Variants in CSTF1 observed in about 807,000 individuals in gnomAD.
CSTF1 encodes the protein CF-1 50 kDa subunit.
CSTF1 carries 2 observed loss-of-function variants against 40.9 expected under a neutral mutation model. The observed-to-expected ratio is 0.05, with a 90% CI of 0.02 to 0.15. The LOEUF (loss-of-function observed/expected upper bound fraction) is 0.15, where lower values mean the gene tolerates loss of function less well. Ranked by LOEUF, CSTF1 falls within the 10% of genes least tolerant of loss-of-function variation. CSTF1 has a pLI of 1.00. For missense variants in CSTF1, 279 were observed against 558.9 expected, an observed-to-expected ratio of 0.50 and a Z score of 5.05; for synonymous variants, 218 against 207.2, an observed-to-expected ratio of 1.05 and a Z score of -0.45.
intron 5 of CSTF1, among the ~76,000 whole-genome samples, chr20:56,401,033 C>T (rs1284965750): frequency 2.6e-5 from 4 of 151,824 alleles, no homozygotes; most frequent in Admixed American, 1.3e-4. Flanking sequence ...AGTAAGACTC[C>T]GTCTCAAAAA....
rs926564383 is a variant in CSTF1 at position 56,404,750 on chromosome 20, A to G, written c.*1023A>G. On this transcript the variant is annotated 3_prime_UTR_variant, in exon 6 of 6. Transcript: ENST00000217109. ...AAGCTCCGCCTCCTGGTTTCACACC[A>G]TTTTCCTGCCTCAGCCTCCCAAGTA... The G allele has an allele frequency of 2.1e-5, 3 of 141,866 alleles. No individual in the cohort carries two copies. The highest frequency in any genetic ancestry group is 3.0e-5 in the Non-Finnish European group (2 of 66,604). The allele number at this position is 141,866 out of a possible 1,614,324, so 8.8% of individuals were successfully genotyped here. A position where few individuals can be genotyped will look rare whatever the true frequency, so the allele number is the denominator to read the frequency against.
intron 1 of CSTF1, 128 bp from the exon 2 acceptor site, chr20:56,395,393 C>G (rs1212746493): frequency 7.3e-5 from 42 of 576,888 alleles, no homozygotes; most frequent in Non-Finnish European, 2.7e-5. Flanking sequence ...GGTCACTGAC[C>G]AAAGATAATG....
Position 56,398,711 on chromosome 20 carries a change from C to T in CSTF1, c.646-256C>T, listed in dbSNP as rs1455044620. Among the ~76,000 whole-genome samples, 3 of 152,204 alleles carry T rather than the reference C, an allele frequency of 2.0e-5. No individual in the cohort carries two copies. In the East Asian group the frequency reaches 5.8e-4, roughly 29 times the overall value. On this transcript the variant is annotated intron_variant, in intron 4 of 5. Transcript: ENST00000217109. ...CTGATAATACTCCATCCTTAGTTTACTCAGTGTTCATTTGTAAATAATGAA... is the reference window on the plus strand; with the variant it reads ...CTGATAATACTCCATCCTTAGTTTATTCAGTGTTCATTTGTAAATAATGAA...
chr20:56,402,932 TAA>T (rs76350193), intron 5 of CSTF1, among the ~76,000 whole-genome samples: 33 of 119,392 alleles, frequency 2.8e-4, no homozygotes, highest in African/African-American at 3.0e-4. Flanking sequence ...AGACTCTGTC[TAA>T]AAAAAAAAAA....
chr20:56,393,262 G>A (rs1326758736), intron 1 of CSTF1, among the ~76,000 whole-genome samples: 1 of 151,806 alleles, frequency 6.6e-6, no homozygotes, highest in Non-Finnish European at 1.5e-5. Flanking sequence ...ACCAAAAATG[G>A]CTTCCCTCCA....
chr20:56,403,258 C>T lies in CSTF1; in HGVS notation c.1037-210C>T, dbSNP rs1978545918. 2.0e-5 allele frequency among the ~76,000 whole-genome samples: 3 copies of T among 151,926 alleles called. No individual in the cohort carries two copies. The South Asian group carries it at 6.2e-4, about 32-fold the overall frequency. On this transcript the variant is annotated intron_variant, in intron 5 of 5. Transcript: ENST00000217109. ...CTTGAACTCCTGGGCTCAAGCAGCC[C>T]TCCTTCCTCAGCCTCCCAAAGTACT...
chr20:56,401,226 CT>C (rs1254907444), intron 5 of CSTF1, among the ~76,000 whole-genome samples: 1 of 152,030 alleles, frequency 6.6e-6, no homozygotes, highest in African/African-American at 2.4e-5. Context: ...CATCCTTAAT[CT>C]ATAAAGAGAA....
chr20:56,397,098 G>T lies in CSTF1; in HGVS notation c.170-109G>T. On this transcript the variant is annotated intron_variant, in intron 2 of 5. Coordinates refer to ENST00000217109, the MANE Select transcript of CSTF1 (RefSeq NM_001324.3). This position sits in a 1 kb window ranked among gnomAD's most constrained non-coding sequence, Gnocchi z 4.4. ...AGGTGTCACGCGGCTCCAAGAAATAGGAGGTTGACACTGGTGAGCATCTTT... is the reference window on the plus strand; with the variant it reads ...AGGTGTCACGCGGCTCCAAGAAATATGAGGTTGACACTGGTGAGCATCTTT... 8.4e-7 allele frequency: 1 copy of T among 1,189,196 alleles called. No individual in the cohort carries two copies. Among genetic ancestry groups the T allele is most frequent in the Non-Finnish European group, 1.2e-6 (1 of 843,018 alleles). The allele number at this position is 1,189,196 out of a possible 1,614,324, so 73.7% of individuals were successfully genotyped here.
At chr20:56,401,460 G>T (rs1978449370) in intron 5 of CSTF1, among the ~76,000 whole-genome samples, 1 of 152,086 alleles carries the variant, frequency 6.6e-6, no homozygotes. Context: ...ATATTTTGTT[G>T]GTCAGAGTCA....
rs376042143 is a variant in CSTF1 at position 56,397,634 on chromosome 20, G to T, written c.448-10G>T. 8 of 1,613,662 alleles carry T rather than the reference G, an allele frequency of 5.0e-6. No individual in the cohort carries two copies. Among genetic ancestry groups the T allele is most frequent in the Non-Finnish European group, 6.8e-6 (8 of 1,179,704 alleles). On this transcript the variant is annotated splice_polypyrimidine_tract_variant and intron_variant, in intron 3 of 5. Transcript: ENST00000217109. This position sits in a 1 kb window ranked among gnomAD's most constrained non-coding sequence, Gnocchi z 4.4. ...TTCTGTGCCTTGAGCATCTCTTCTT[G>T]TTGGTCTAGGTCATGATGAATGAGA...
At chr20:56,402,266 C>T (rs572583676) in intron 5 of CSTF1, among the ~76,000 whole-genome samples, 81 of 150,724 alleles carry the variant, frequency 5.4e-4, no homozygotes, top group African/African-American at 1.9e-3. Context: ...GAGATCACAC[C>T]ATTGCACTCC....
At chr20:56,400,495 T>C (rs1249284540) in intron 5 of CSTF1, among the ~76,000 whole-genome samples, 2 of 152,164 alleles carry the variant, frequency 1.3e-5, no homozygotes, top group Admixed American at 6.5e-5. Context: ...TTTTAAGGAG[T>C]GTGCTGTATC....
rs932606841 is a variant in CSTF1 at position 56,405,621 on chromosome 20, A to G, written c.*1894A>G. The G allele has an allele frequency of 6.6e-6, 1 of 152,244 alleles. No individual in the cohort carries two copies. The highest frequency in any genetic ancestry group is 1.5e-5 in the Non-Finnish European group (1 of 68,052). 9.4% of individuals were successfully genotyped at this position (152,244 alleles called of 1,614,324 possible). A position where few individuals can be genotyped will look rare whatever the true frequency, so the allele number is the denominator to read the frequency against. ...TGTCTTAAGCATCTTAACATGTTAC[A>G]TCACAGGGTTTTAGCTCAGATTTCC... On this transcript the variant is annotated 3_prime_UTR_variant, in exon 6 of 6. Transcript: ENST00000217109.
At position 56,397,773 on chromosome 20, in the gene CSTF1, A is replaced by G. The variant is rs1303904421; in HGVS notation, c.577A>G (p.Arg193Gly). The change falls in exon 4 of 6, where the codon AGG becomes GGG. Residue 193 changes from arginine (R) to glycine (G), a missense_variant. Transcript: ENST00000217109. The surrounding 1 kb of genome is among the most constrained non-coding windows in gnomAD (Gnocchi z 4.4). The part of the protein sequence containing the change: ...PTEQILASGS[R>G]DYTLKLFDYS... ...AGAACAGATCCTGGCTTCTGGTTCA[A>G]GGGATTATACTCTTAAATTATTTGA... is the stretch of plus-strand genomic sequence containing the variant. 6.2e-6 allele frequency: 10 copies of G among 1,614,070 alleles called. No homozygotes were observed. The highest frequency in any genetic ancestry group is 1.1e-5 in the South Asian group (1 of 91,094).
Position 56,397,316 on chromosome 20 carries a change from C to A in CSTF1, c.279C>A (p.Ser93=). 1 of 1,614,112 alleles carries A rather than the reference C, an allele frequency of 6.2e-7. No individual in the cohort carries two copies. Among genetic ancestry groups the A allele is most frequent in the Non-Finnish European group, 8.5e-7 (1 of 1,180,032 alleles). ...TTGATGCAGATGTTCAGACTATGTC[C>A]CCAGAGGCTTCTGAGTACGAAACAT... ...LEFDADVQTM[S]PEASEYETCY... Residue 93 remains serine, a synonymous_variant, in exon 3 of 6, where the codon TCC becomes TCA. Coordinates refer to ENST00000217109, the MANE Select transcript of CSTF1 (RefSeq NM_001324.3). This position sits in a 1 kb window ranked among gnomAD's most constrained non-coding sequence, Gnocchi z 4.4.
chr20:56,396,917 G>T, intron 2 of CSTF1: 1 of 308,328 alleles, frequency 3.2e-6, no homozygotes, highest in African/African-American at 2.1e-5. Context: ...TATTTTTTGA[G>T]TTTCTGTAGT....
In CSTF1 at chr20:56,397,172, T is replaced by C; in HGVS notation, c.170-35T>C. ...CTTGGCCTTTTTAAGAAAAAACACTTGTTTTGTTACGCCCTTAATTTTGAT... is the reference window on the plus strand; with the variant it reads ...CTTGGCCTTTTTAAGAAAAAACACTCGTTTTGTTACGCCCTTAATTTTGAT... On this transcript the variant is annotated intron_variant, in intron 2 of 5. Coordinates refer to ENST00000217109, the MANE Select transcript of CSTF1 (RefSeq NM_001324.3). The surrounding 1 kb of genome is among the most constrained non-coding windows in gnomAD (Gnocchi z 4.4). The C allele has an allele frequency of 6.3e-7, 1 of 1,583,564 alleles. No homozygotes were observed. The highest frequency in any genetic ancestry group is 8.6e-7 in the Non-Finnish European group (1 of 1,164,158).
rs901943966 is a variant in CSTF1, at chr20:56,405,156, T to G, written c.*1429T>G. The stretch of plus-strand genomic sequence containing the variant: ...CATTTGATAAAAATAGTAAATAGAT[T>G]GAAGTAAAAGTCATTGCTTTATATT... On this transcript the variant is annotated 3_prime_UTR_variant, in exon 6 of 6. Transcript: ENST00000217109. 6 of 152,260 alleles carry G rather than the reference T, an allele frequency of 3.9e-5. No homozygotes were observed. Among genetic ancestry groups the G allele is most frequent in the African/African-American group, 1.4e-4 (6 of 41,544 alleles). The allele number at this position is 152,260 out of a possible 1,614,324, so 9.4% of individuals were successfully genotyped here.
chr20:56,397,530 T>G lies in CSTF1; in HGVS notation c.447+46T>G. On this transcript the variant is annotated intron_variant, in intron 3 of 5. Transcript: ENST00000217109. This position sits in a 1 kb window ranked among gnomAD's most constrained non-coding sequence, Gnocchi z 4.4. ...CTTATTGATTGCCTTCTGTTTTTCA[T>G]TTTTGGAAAAATGAGAGTATGGTTG... The G allele has an allele frequency of 1.2e-6, 2 of 1,602,614 alleles. No homozygotes were observed. Among genetic ancestry groups the G allele is most frequent in the Non-Finnish European group, 1.7e-6 (2 of 1,173,346 alleles).
Sources: gnomAD v4.1 joint callset for allele counts (sites outside exome capture counted in the v4.1 genomes callset) on GRCh38, gnomAD v4.1.1 for gene constraint, Gnocchi (gnomAD v3.1) non-coding constraint, MANE v1.5 for transcripts, NCBI Gene and HGNC (gene_info 2026-07-23, HGNC 2026-07-21) for gene names.